Variants in CACNA2D3 observed in about 807,000 individuals in gnomAD.
CACNA2D3 encodes the protein calcium voltage-gated channel auxiliary subunit alpha2delta 3.
A neutral mutation model predicts 160.6 loss-of-function variants in CACNA2D3; 60 were observed. That is an observed-to-expected ratio of 0.37 (90% CI 0.30 to 0.46). CACNA2D3 has a LOEUF of 0.46. CACNA2D3 is among the 20% of genes least tolerant of loss of function. The pLI is 1.00. For synonymous variants in CACNA2D3, 558 were observed against 492.9 expected (o/e 1.13, Z -1.75); for missense variants, 1,205 against 1,365.0 (o/e 0.88, Z 1.85).
chr3:54,340,857 G>C (rs961867239), intron 3 of CACNA2D3, among the ~76,000 whole-genome samples: 2 of 152,186 alleles, frequency 1.3e-5, no homozygotes, highest in African/African-American at 4.8e-5. Context: ...GCACAAGGCT[G>C]AAGTTTGTCT....
intron 13 of CACNA2D3, among the ~76,000 whole-genome samples, chr3:54,783,960 T>C (rs899074291): frequency 3.9e-5 from 6 of 152,246 alleles, no homozygotes; most frequent in African/African-American, 1.4e-4. Flanking sequence ...AATCACATCC[T>C]ATAATTTATA....
chr3:54,983,022 G>A (rs1702540350), intron 29 of CACNA2D3, among the ~76,000 whole-genome samples: 1 of 152,138 alleles, frequency 6.6e-6, no homozygotes. Flanking sequence ...CAGCCCAACA[G>A]GTCTTAGCCT....
intron 4 of CACNA2D3, among the ~76,000 whole-genome samples, chr3:54,455,723 T>G (rs1700386689): frequency 6.6e-6 from 1 of 152,176 alleles, no homozygotes; most frequent in African/African-American, 2.4e-5. Context: ...ATTTAAGTCT[T>G]TAATTCATTT....
chr3:54,691,488 G>C (rs114298676), intron 11 of CACNA2D3, among the ~76,000 whole-genome samples: 86 of 152,338 alleles, frequency 5.6e-4, no homozygotes, highest in Admixed American at 1.3e-3. Context: ...AGGAGAGAAA[G>C]AGAGGGGCAG....
intron 31 of CACNA2D3, among the ~76,000 whole-genome samples, chr3:54,998,772 A>G (rs1204091311): frequency 3.1e-4 from 46 of 149,548 alleles, no homozygotes; most frequent in Admixed American, 3.1e-3. Flanking sequence ...TTTGAGATGG[A>G]GTCTTGCTCT....
intron 14 of CACNA2D3, among the ~76,000 whole-genome samples, chr3:54,836,611 A>T (rs1698696500): frequency 6.6e-6 from 1 of 152,124 alleles, no homozygotes; most frequent in South Asian, 2.1e-4. Context: ...GTTATTATTT[A>T]ATTTTGTTTT....
intron 2 of CACNA2D3, among the ~76,000 whole-genome samples, chr3:54,204,800 A>G (rs1262280641): frequency 0.033 from 2,459 of 74,838 alleles, 122 homozygotes; most frequent in African/African-American, 0.2. Context: ...TGTCTTGAAA[A>G]AAAAAAAAAA....
At chr3:54,338,847 C>T (rs1003191397) in intron 3 of CACNA2D3, among the ~76,000 whole-genome samples, 1 of 152,090 alleles carries the variant, frequency 6.6e-6, no homozygotes, top group Non-Finnish European at 1.5e-5. Context: ...AACATGTGTC[C>T]CAATTCTGAA....
chr3:54,271,218 G>T (rs1164924649), intron 2 of CACNA2D3, among the ~76,000 whole-genome samples: 5 of 152,104 alleles, frequency 3.3e-5, no homozygotes, highest in South Asian at 2.1e-4. Context: ...GGCTCTTGGG[G>T]TCATACTGTT....
chr3:54,939,271 T>G (rs1024381123), intron 27 of CACNA2D3, among the ~76,000 whole-genome samples: 1 of 152,184 alleles, frequency 6.6e-6, no homozygotes, highest in Non-Finnish European at 1.5e-5. Context: ...CTTCTACATC[T>G]TACTAAAGAG....
intron 11 of CACNA2D3, among the ~76,000 whole-genome samples, chr3:54,708,117 G>T (rs1700889491): frequency 6.6e-6 from 1 of 152,252 alleles, no homozygotes; most frequent in Non-Finnish European, 1.5e-5. Context: ...ATAATTTAAA[G>T]AACTCAGGGG....
intron 23 of CACNA2D3, among the ~76,000 whole-genome samples, chr3:54,887,190 C>T (rs1699946646): frequency 6.6e-6 from 1 of 152,108 alleles, no homozygotes; most frequent in Admixed American, 6.6e-5. Context: ...CTTTGGGAGG[C>T]TGATTCAGGC....
chr3:54,724,979 C>A (rs1436287687), intron 11 of CACNA2D3, among the ~76,000 whole-genome samples: 1 of 152,086 alleles, frequency 6.6e-6, no homozygotes, highest in East Asian at 1.9e-4. Flanking sequence ...AATCCAGGAA[C>A]TGGTTTTTAG....
chr3:55,020,683 C>A (rs901707274), intron 35 of CACNA2D3, among the ~76,000 whole-genome samples: 1 of 151,728 alleles, frequency 6.6e-6, no homozygotes, highest in East Asian at 1.9e-4. Context: ...AACCCTGCCT[C>A]TACTAAAAAA....
chr3:55,070,809 A>G (rs1704787620), intron 35 of CACNA2D3, among the ~76,000 whole-genome samples: 1 of 152,140 alleles, frequency 6.6e-6, no homozygotes, highest in Non-Finnish European at 1.5e-5. Context: ...TTAACTTTTA[A>G]TTTTCACTGT....
intron 27 of CACNA2D3, chr3:54,925,236 T>C (rs1225233937): frequency 1.1e-5 from 18 of 1,590,448 alleles, no homozygotes; most frequent in Non-Finnish European, 1.5e-5. Flanking sequence ...CAGAAAGAAA[T>C]TGGGATAGGA....
chr3:54,217,900 A>G (rs1363064361), intron 2 of CACNA2D3, among the ~76,000 whole-genome samples: 1 of 151,952 alleles, frequency 6.6e-6, no homozygotes, highest in Non-Finnish European at 1.5e-5. Flanking sequence ...GGTGTTAGGG[A>G]GAGAGGTGTG....
In CACNA2D3 at chr3:54,229,700, C is replaced by CT. The variant is rs1701736558; in HGVS notation, c.205-90740dup. ...TATTCGGTCCCCCTTTTTTTCTTCT[C>CT]TTACTCTGTTTTGCTTGCGTGACAA... On this transcript the variant is annotated intron_variant, in intron 2 of 37. Coordinates refer to ENST00000474759, the MANE Select transcript of CACNA2D3 (RefSeq NM_018398.3). Among the ~76,000 whole-genome samples, 6 of 152,074 alleles carry CT rather than the reference C, an allele frequency of 3.9e-5. No individual in the cohort carries two copies. In the South Asian group the frequency reaches 1.0e-3, roughly 26 times the overall value.
Position 54,642,167 on chromosome 3 carries a change from A to G in CACNA2D3, c.1093A>G (p.Ile365Val), listed in dbSNP as rs769718801. Residue 365 changes from isoleucine to valine, a missense_variant, in exon 11 of 38, where the codon ATC (isoleucine) becomes GTC (valine). This residue lies in a region of CACNA2D3 where 911 missense variants were observed against 1,002.2 expected (regional missense o/e 0.91). Transcript: ENST00000474759. ...TGQGSICSQAIMLITDGAVDT... is the reference protein window; with the variant it reads ...TGQGSICSQAVMLITDGAVDT... ...ACAAGGAAGTATCTGCAGTCAGGCC[A>G]TCATGCTCATAACTGATGGGGCGGT... 6.2e-7 allele frequency: 1 copy of G among 1,613,414 alleles called. No individual in the cohort carries two copies. Among genetic ancestry groups the G allele is most frequent in the Admixed American group, 1.7e-5 (1 of 59,946 alleles).
Sources: gnomAD v4.1 joint callset for allele counts (sites outside exome capture counted in the v4.1 genomes callset) on GRCh38, gnomAD v4.1.1 for gene constraint, gnomAD v4.1.1 regional missense constraint, MANE v1.5 for transcripts, NCBI Gene and HGNC (gene_info 2026-07-23, HGNC 2026-07-21) for gene names.